The following MYL4 variants were observed in gnomAD, a reference collection of about 807,000 sequenced individuals.
MYL4 encodes the protein atrial myosin light chain 1.
Under a neutral mutation model 21.6 loss-of-function variants are expected in MYL4, and 16 were observed. That is an observed-to-expected ratio of 0.74 (90% CI 0.50 to 1.12). The LOEUF (loss-of-function observed/expected upper bound fraction) is 1.12. Ranked by LOEUF, MYL4 falls within the 50% of genes most tolerant of loss-of-function variation. The pLI is 0.00. For synonymous variants in MYL4, 82 were observed against 95.7 expected, an observed-to-expected ratio of 0.86 and a Z score of 0.83; for missense variants, 249 against 252.9, an observed-to-expected ratio of 0.98 and a Z score of 0.11.
Position 47,223,012 on chromosome 17 carries a change from A to G in MYL4, c.566-2A>G. 1 of 1,614,122 alleles carries G rather than the reference A, an allele frequency of 6.2e-7. No homozygotes were observed. Among genetic ancestry groups the G allele is most frequent in the South Asian group, 1.1e-5 (1 of 91,082 alleles). On this transcript the variant is annotated splice_acceptor_variant, in intron 5 of 6. Transcript: ENST00000393450. LOFTEE classifies it high-confidence loss of function. Reference sequence around the variant, plus strand: ...GGTGGCTGATTTTCACTTTTTTCCTAGCCTTTGTCAAGCACATCATGTCAG... The same window carrying G: ...GGTGGCTGATTTTCACTTTTTTCCTGGCCTTTGTCAAGCACATCATGTCAG...
upstream of MYL4, among the ~76,000 whole-genome samples, chr17:47,207,540 C>T (rs1335303122): frequency 6.6e-6 from 1 of 152,168 alleles, no homozygotes; most frequent in Non-Finnish European, 1.5e-5. Context: ...CCCAGAATTG[C>T]AGGCTTAGGA....
At chr17:47,215,178 C>T (rs1237055225) in intron 2 of MYL4, among the ~76,000 whole-genome samples, 1 of 152,232 alleles carries the variant, frequency 6.6e-6, no homozygotes, top group African/African-American at 2.4e-5. Context: ...TTTCATAATA[C>T]TCAGTGGATA....
rs143234546 is a variant in MYL4 at position 47,213,813 on chromosome 17, C to T, written c.150C>T (p.Ala50=). 337 of 1,614,118 alleles carry T rather than the reference C, an allele frequency of 2.1e-4. No individual in the cohort carries two copies. In the African/African-American group the frequency reaches 3.1e-3, roughly 15 times the overall value. Residue 50 remains alanine, a synonymous_variant, in exon 2 of 7, where the codon GCC becomes GCT. Coordinates refer to ENST00000393450, the MANE Select transcript of MYL4 (RefSeq NM_002476.2). ...CCTCCCTACAGATAGACTTCACTGC[C>T]GACCAGATTGAAGGTGAGTATGGAC... is the stretch of plus-strand genomic sequence containing the variant. ...DPKSVKIDFT[A]DQIEEFKEAF...
chr17:47,222,843 T>C (rs2064867024), intron 5 of MYL4, among the ~76,000 whole-genome samples, 171 bp from the exon 6 acceptor site: 2 of 152,118 alleles, frequency 1.3e-5, no homozygotes, highest in South Asian at 4.1e-4. Flanking sequence ...TCTAGGTATC[T>C]GCCCTCCACC....
chr17:47,215,975 C>A (rs1165653222), intron 2 of MYL4, among the ~76,000 whole-genome samples: 3 of 151,974 alleles, frequency 2.0e-5, no homozygotes, highest in Non-Finnish European at 4.4e-5. Flanking sequence ...ATGGGGGTCT[C>A]GCTATTTTGC....
At chr17:47,216,361 A>G (rs949430088) in intron 2 of MYL4, among the ~76,000 whole-genome samples, 3 of 104,508 alleles carry the variant, frequency 2.9e-5, no homozygotes, top group Non-Finnish European at 6.0e-5. Context: ...TGATTTTTTT[A>G]TGTGCATACC....
chr17:47,195,107 G>A, the MYL4 span, among the ~76,000 whole-genome samples: 1 of 142,194 alleles, frequency 7.0e-6, no homozygotes, highest in African/African-American at 2.7e-5. Flanking sequence ...CACCCAGGCT[G>A]GAGTGCAATG....
At chr17:47,206,957 C>T (rs1387712429), upstream of MYL4, among the ~76,000 whole-genome samples, 2 of 152,168 alleles carry the variant, frequency 1.3e-5, no homozygotes, top group East Asian at 3.9e-4. Context: ...TCGTCACCAA[C>T]AACCTGAACT....
chr17:47,191,778 AT>A, the MYL4 span, among the ~76,000 whole-genome samples: 2 of 152,008 alleles, frequency 1.3e-5, no homozygotes, highest in Non-Finnish European at 2.9e-5. Context: ...CTGTATTTAC[AT>A]TTTTTAGCAG....
chr17:47,211,244 C>T (rs1322968060), intron 1 of MYL4, among the ~76,000 whole-genome samples: 1 of 152,052 alleles, frequency 6.6e-6, no homozygotes, highest in Admixed American at 6.5e-5. Context: ...TTAGAAGGTT[C>T]TTTACTCCAA....
Position 47,223,582 on chromosome 17 carries a change from T to G in MYL4, c.*89T>G, listed in dbSNP as rs1420804567. 6.5e-6 allele frequency: 1 copy of G among 153,174 alleles called. No homozygotes were observed. Among genetic ancestry groups the G allele is most frequent in the Non-Finnish European group, 1.5e-5 (1 of 68,940 alleles). The allele number at this position is 153,174 out of a possible 1,614,324, so 9.5% of individuals were successfully genotyped here. ...CCCGGCTGGGTGAGCTGAGATGGAG[T>G]CCTCGACTTATCACCACACCACTGC... On this transcript the variant is annotated 3_prime_UTR_variant, in exon 7 of 7. Transcript: ENST00000393450.
upstream of MYL4, among the ~76,000 whole-genome samples, chr17:47,206,441 G>T (rs535176776): frequency 6.6e-6 from 1 of 152,214 alleles, no homozygotes; most frequent in East Asian, 1.9e-4. Context: ...ATACTAACTT[G>T]TTGTGTGTGC....
At position 47,220,063 on chromosome 17, in the gene MYL4, G is replaced by C; in HGVS notation, c.313+10G>C. On this transcript the variant is annotated intron_variant, in intron 3 of 6. Coordinates refer to ENST00000393450, the MANE Select transcript of MYL4 (RefSeq NM_002476.2). The stretch of plus-strand genomic sequence containing the variant: ...AAGCCCAAGCCTGAAGGTCAGTGCG[G>C]CTGCATGGCAGACCTCTCCCAGGGT... The C allele has an allele frequency of 6.2e-7, 1 of 1,605,302 alleles. No homozygotes were observed. Among genetic ancestry groups the C allele is most frequent in the Non-Finnish European group, 8.5e-7 (1 of 1,175,048 alleles).
At chr17:47,213,723 C>T in intron 1 of MYL4, 76 bp from the exon 2 acceptor site, 1 of 1,450,550 alleles carries the variant, frequency 6.9e-7, no homozygotes, top group Non-Finnish European at 9.4e-7. Flanking sequence ...GCCACTTCTG[C>T]TTCTACTTCC....
intron 1 of MYL4, among the ~76,000 whole-genome samples, chr17:47,210,703 T>TATAA (rs1411482074): frequency 3.3e-5 from 5 of 151,970 alleles, no homozygotes; most frequent in African/African-American, 1.2e-4. Context: ...ACAAGTATTA[T>TATAA]GCCAAAGACC....
chr17:47,199,456 G>C (rs1255724053), upstream of MYL4, among the ~76,000 whole-genome samples: 1 of 151,874 alleles, frequency 6.6e-6, no homozygotes, highest in Non-Finnish European at 1.5e-5. Flanking sequence ...AAAGTACTGG[G>C]ATTATAGGCA....
chr17:47,219,835 A>G, intron 2 of MYL4, 69 bp from the exon 3 acceptor site: 1 of 1,572,328 alleles, frequency 6.4e-7, no homozygotes, highest in East Asian at 2.2e-5. Flanking sequence ...GCTTGGGTGG[A>G]GGCTGATTGG....
upstream of MYL4, among the ~76,000 whole-genome samples, chr17:47,197,156 T>G (rs965687629): frequency 3.5e-5 from 5 of 143,928 alleles, no homozygotes; most frequent in African/African-American, 1.3e-4. Context: ...TGGAGTGCAG[T>G]GGCGCTATCT....
At chr17:47,203,021 G>A (rs575811537) in intron 1 of MYL4, among the ~76,000 whole-genome samples, 5 of 152,104 alleles carry the variant, frequency 3.3e-5, no homozygotes, top group East Asian at 3.9e-4. Context: ...GTACAATCTC[G>A]GCTCACTGCA....
Sources: gnomAD v4.1 joint callset for allele counts (sites outside exome capture counted in the v4.1 genomes callset) on GRCh38, gnomAD v4.1.1 for gene constraint, MANE v1.5 for transcripts, NCBI Gene and HGNC (gene_info 2026-07-23, HGNC 2026-07-21) for gene names.